BRD10: variants seen among roughly 807,000 people sequenced by gnomAD.
BRD10 encodes uncharacterized bromodomain-containing protein 10.
At chr9:5,917,814 T>C in the BRD10 span, among the ~76,000 whole-genome samples, 7 of 152,122 alleles carry the variant, frequency 4.6e-5, no homozygotes, top group Non-Finnish European at 1.0e-4. Flanking sequence ...GATAGCACCA[T>C]GGCACTCCAG....
At chr9:5,923,270 C>T in the BRD10 span, 9 of 1,611,720 alleles carry the variant, frequency 5.6e-6, no homozygotes, top group Non-Finnish European at 6.8e-6. Context: ...CAGCTTGCTT[C>T]TAGCCATAGG....
the BRD10 span, among the ~76,000 whole-genome samples, chr9:5,924,018 T>C: frequency 1.7e-4 from 26 of 152,334 alleles, no homozygotes; most frequent in African/African-American, 6.0e-4. Context: ...TAAAATGATG[T>C]GTTCATTCTG....
chr9:5,985,870 G>T, the BRD10 span, among the ~76,000 whole-genome samples: 1 of 151,964 alleles, frequency 6.6e-6, no homozygotes, highest in African/African-American at 2.4e-5. Context: ...TTAAGATGGG[G>T]TATCTTCTAT....
At chr9:6,007,473 C>A in the BRD10 span, 29 of 1,610,872 alleles carry the variant, frequency 1.8e-5, no homozygotes, top group Admixed American at 3.7e-4. Flanking sequence ...CAACGCCCCC[C>A]AAGGGCTGCA....
At chr9:5,930,931 T>C in the BRD10 span, among the ~76,000 whole-genome samples, 1 of 152,184 alleles carries the variant, frequency 6.6e-6, no homozygotes, top group Admixed American at 6.6e-5. Context: ...AGAAATTAGG[T>C]AGACTTGTAA....
At chr9:5,953,619 T>C in the BRD10 span, among the ~76,000 whole-genome samples, 1 of 151,952 alleles carries the variant, frequency 6.6e-6, no homozygotes, top group Admixed American at 6.6e-5. Flanking sequence ...CTAGGCACTA[T>C]TACCATCTCC....
At chr9:5,924,794 A>C in the BRD10 span, 1 of 1,572,952 alleles carries the variant, frequency 6.4e-7, no homozygotes, top group Non-Finnish European at 8.6e-7. Flanking sequence ...TATTAAATGT[A>C]TCATGATCAG....
At chr9:5,882,997 C>T in the BRD10 span, among the ~76,000 whole-genome samples, 3 of 151,718 alleles carry the variant, frequency 2.0e-5, no homozygotes, top group Admixed American at 6.6e-5. Context: ...CATCACACAC[C>T]GGGGCCTGTT....
At chr9:5,929,119 T>C in the BRD10 span, 13 of 1,607,682 alleles carry the variant, frequency 8.1e-6, no homozygotes, top group Middle Eastern at 1.7e-4. Flanking sequence ...CAATGTACTA[T>C]GTAATTCTTT....
the BRD10 span, among the ~76,000 whole-genome samples, chr9:5,908,452 C>T: frequency 3.9e-5 from 6 of 152,118 alleles, no homozygotes; most frequent in Non-Finnish European, 5.9e-5. Flanking sequence ...TCTACTCTTG[C>T]CCCCAACAAT....
At chr9:5,883,462 C>CTTTTTTTTTTT in the BRD10 span, among the ~76,000 whole-genome samples, 18 of 102,400 alleles carry the variant, frequency 1.8e-4, no homozygotes, top group African/African-American at 4.1e-4. Flanking sequence ...CCTTCTTCTT[C>CTTTTTTTTTTT]TTTTTTTTTT....
chr9:5,949,622 G>A, the BRD10 span, among the ~76,000 whole-genome samples: 6 of 152,136 alleles, frequency 3.9e-5, no homozygotes, highest in East Asian at 1.2e-3. Flanking sequence ...CATATGAAAT[G>A]GGAGCAAGGG....
At chr9:5,963,733 C>A in the BRD10 span, among the ~76,000 whole-genome samples, 3 of 152,114 alleles carry the variant, frequency 2.0e-5, no homozygotes, top group South Asian at 4.2e-4. Flanking sequence ...CAGAACAGAG[C>A]CCTCAGAAAT....
the BRD10 span, among the ~76,000 whole-genome samples, chr9:5,899,871 T>C: frequency 6.6e-6 from 1 of 152,198 alleles, no homozygotes. Flanking sequence ...TTGTCTGCCA[T>C]TGAGTTGCTT....
At chr9:5,959,861 T>A in the BRD10 span, among the ~76,000 whole-genome samples, 3 of 152,202 alleles carry the variant, frequency 2.0e-5, no homozygotes, top group African/African-American at 7.2e-5. Flanking sequence ...TAGTACCACA[T>A]GCTTAGAAAG....
At chr9:5,966,455 C>CTTTTTTTTTTTTTTTT in the BRD10 span, among the ~76,000 whole-genome samples, 1 of 83,750 alleles carries the variant, frequency 1.2e-5, no homozygotes, top group African/African-American at 4.7e-5. Context: ...CTAACATTTC[C>CTTTTTTTTTTTTTTTT]TTTTTTTTTT....
At chr9:5,922,731 G>T in the BRD10 span, 3 of 1,613,904 alleles carry the variant, frequency 1.9e-6, no homozygotes, top group Admixed American at 5.0e-5. Context: ...TCCACCATAG[G>T]CTGCACCTGA....
At chr9:5,893,300 G>A in the BRD10 span, among the ~76,000 whole-genome samples, 1 of 152,178 alleles carries the variant, frequency 6.6e-6, no homozygotes, top group Non-Finnish European at 1.5e-5. Context: ...CTGGGTGGCA[G>A]GGGCAGGGGA....
chr9:5,964,136 A>C, the BRD10 span, among the ~76,000 whole-genome samples: 5 of 151,640 alleles, frequency 3.3e-5, no homozygotes, highest in South Asian at 2.1e-4. Context: ...AAATGGGAGA[A>C]AATTTTCGCA....
Sources: gnomAD v4.1 joint callset for allele counts (sites outside exome capture counted in the v4.1 genomes callset) on GRCh38, gnomAD v4.1.1 for gene constraint, MANE v1.5 for transcripts, NCBI Gene and HGNC (gene_info 2026-07-23, HGNC 2026-07-21) for gene names.